ARHGAP8: variants seen among roughly 807,000 people sequenced by gnomAD.
ARHGAP8 encodes Rho GTPase activating protein 8, also known as rho GTPase-activating protein 8.
Under a neutral mutation model 46.1 loss-of-function variants are expected in ARHGAP8, and 62 were observed. The ratio of observed to expected loss-of-function variants is 1.34; its 90% CI spans 1.10 to 1.66. The LOEUF is 1.66. Among genes scored for constraint, ARHGAP8 ranks in the 40% most tolerant of loss-of-function variants. The pLI is 0.00. For missense variants in ARHGAP8, 923 were observed against 568.4 expected, an observed-to-expected ratio of 1.62 and a Z score of -6.34; for synonymous variants, 375 against 243.1, an observed-to-expected ratio of 1.54 and a Z score of -5.05.
chr22:44,805,894 C>T (rs771514861), intron 3 of ARHGAP8, among the ~76,000 whole-genome samples: 1 of 152,174 alleles, frequency 6.6e-6, no homozygotes, highest in Non-Finnish European at 1.5e-5. Flanking sequence ...GTCTTTGAAA[C>T]CCAACTAGTA....
At chr22:44,834,021 A>T (rs1438983741) in intron 7 of ARHGAP8, among the ~76,000 whole-genome samples, 1 of 152,086 alleles carries the variant, frequency 6.6e-6, no homozygotes, top group East Asian at 1.9e-4. Context: ...TGATTTTAGT[A>T]ATTTGAATCT....
At chr22:44,860,938 C>A (rs574106615) in intron 11 of ARHGAP8, among the ~76,000 whole-genome samples, 206 of 152,008 alleles carry the variant, frequency 1.4e-3, no homozygotes, top group African/African-American at 4.8e-3. Flanking sequence ...CTTGGTTTTA[C>A]AACAATTTTT....
At chr22:44,777,934 G>A (rs1926540975) in intron 1 of ARHGAP8, among the ~76,000 whole-genome samples, 1 of 152,122 alleles carries the variant, frequency 6.6e-6, no homozygotes, top group Non-Finnish European at 1.5e-5. Context: ...GACCTCAGGT[G>A]ATCCACCTGC....
intron 1 of ARHGAP8, among the ~76,000 whole-genome samples, chr22:44,767,984 C>CTTTTT (rs1167255172): frequency 0.016 from 746 of 47,252 alleles, 296 homozygotes; most frequent in Middle Eastern, 0.071. Context: ...CGCATGATGT[C>CTTTTT]TTTTTTTTTT....
intron 10 of ARHGAP8, among the ~76,000 whole-genome samples, chr22:44,851,535 A>G (rs2070094113): frequency 6.6e-6 from 1 of 152,100 alleles, no homozygotes; most frequent in Non-Finnish European, 1.5e-5. Context: ...GAAGAAAATG[A>G]AGACCCAGGC....
chr22:44,761,011 G>A (rs1327592027), intron 1 of ARHGAP8, among the ~76,000 whole-genome samples: 2 of 152,204 alleles, frequency 1.3e-5, no homozygotes, highest in African/African-American at 4.8e-5. Context: ...CACTGGCCAG[G>A]AGAAAGGGCC....
intron 7 of ARHGAP8, among the ~76,000 whole-genome samples, chr22:44,841,442 C>T (rs965706376): frequency 5.9e-5 from 9 of 152,124 alleles, no homozygotes; most frequent in Non-Finnish European, 1.3e-4. Flanking sequence ...GTAGCTCTCA[C>T]GCCTGCTCCC....
At chr22:44,792,070 T>C (rs13058081) in intron 2 of ARHGAP8, among the ~76,000 whole-genome samples, 1 of 151,698 alleles carries the variant, frequency 6.6e-6, no homozygotes, top group Non-Finnish European at 1.5e-5. Context: ...TGGAGTGCAG[T>C]GGTGCGATCT....
At chr22:44,842,763 C>T (rs1282838451) in intron 7 of ARHGAP8, among the ~76,000 whole-genome samples, 1 of 151,938 alleles carries the variant, frequency 6.6e-6, no homozygotes, top group East Asian at 1.9e-4. Context: ...AGGAGGTTGG[C>T]AGGGCCTGGG....
In ARHGAP8 at chr22:44,853,410, CAG is replaced by C. The variant is rs1483890724; in HGVS notation, c.877+4351_877+4352del. 1.2e-4 allele frequency among the ~76,000 whole-genome samples: 19 copies of C among 152,114 alleles called. 1 individual carries two copies. Among genetic ancestry groups the C allele is most frequent in the Admixed American group, 9.2e-4 (14 of 15,270 alleles). ...GTTTTAGTTCTTTGTCATGCCAACTCAGGGGGTAGGAGAAAACTGGAAATGTT... is the reference window on the plus strand; with the variant it reads ...GTTTTAGTTCTTTGTCATGCCAACTCGGGGTAGGAGAAAACTGGAAATGTT... On this transcript the variant is annotated intron_variant, in intron 10 of 11. Transcript: ENST00000356099.
At chr22:44,817,636 T>C (rs2147108511) in intron 5 of ARHGAP8, among the ~76,000 whole-genome samples, 1 of 152,146 alleles carries the variant, frequency 6.6e-6, no homozygotes, top group Non-Finnish European at 1.5e-5. Flanking sequence ...AAACCCCGTC[T>C]CTACTAAAAA....
intron 3 of ARHGAP8, among the ~76,000 whole-genome samples, chr22:44,805,750 G>T (rs1928877499): frequency 6.6e-6 from 1 of 152,176 alleles, no homozygotes; most frequent in Admixed American, 6.5e-5. Flanking sequence ...GAGCCATCAG[G>T]CTTACTTCTC....
chr22:44,825,691 CCAG>C (rs1399243904), intron 7 of ARHGAP8, 98 bp downstream of exon 7: 1 of 1,379,228 alleles, frequency 7.3e-7, no homozygotes, highest in Middle Eastern at 1.8e-4. Context: ...ACGTTTGTCT[CCAG>C]CAGCCAAGCT....
At chr22:44,839,038 C>CAGGGTTTGAA (rs979067714) in intron 7 of ARHGAP8, among the ~76,000 whole-genome samples, 26 of 152,210 alleles carry the variant, frequency 1.7e-4, no homozygotes, top group African/African-American at 6.3e-4. Flanking sequence ...AAGGGAGGGA[C>CAGGGTTTGAA]AGGGTTTGAA....
chr22:44,816,384 C>T (rs1386329109), intron 5 of ARHGAP8, among the ~76,000 whole-genome samples: 3 of 152,180 alleles, frequency 2.0e-5, no homozygotes, highest in African/African-American at 4.8e-5. Context: ...AGGCACCTGC[C>T]TGTCTTCCCA....
chr22:44,768,871 G>T (rs1333141733), intron 1 of ARHGAP8, among the ~76,000 whole-genome samples: 13 of 145,806 alleles, frequency 8.9e-5, no homozygotes, highest in Non-Finnish European at 1.6e-4. Flanking sequence ...CAGAGTCTCT[G>T]TTGCCCAGGC....
intron 11 of ARHGAP8, 61 bp from the exon 12 acceptor site, chr22:44,862,214 G>GT (rs1357245644): frequency 4.6e-6 from 7 of 1,531,530 alleles, no homozygotes; most frequent in Non-Finnish European, 5.3e-6. Context: ...TCGGGAGGGA[G>GT]TTCCAGGTGC....
chr22:44,861,376 C>G (rs945073047), intron 11 of ARHGAP8, among the ~76,000 whole-genome samples: 1 of 152,176 alleles, frequency 6.6e-6, no homozygotes, highest in African/African-American at 2.4e-5. Flanking sequence ...GTGTTATCAC[C>G]CCAGTGGCAC....
intron 7 of ARHGAP8, among the ~76,000 whole-genome samples, chr22:44,833,715 G>T (rs1356141798): frequency 6.6e-6 from 1 of 152,070 alleles, no homozygotes. Context: ...TTTTTTGGAA[G>T]AATTTGTACC....
Sources: gnomAD v4.1 joint callset for allele counts (sites outside exome capture counted in the v4.1 genomes callset) on GRCh38, gnomAD v4.1.1 for gene constraint, MANE v1.5 for transcripts, NCBI Gene and HGNC (gene_info 2026-07-23, HGNC 2026-07-21) for gene names.